Variants in OGG1 observed in about 807,000 individuals in gnomAD.
The protein encoded by OGG1 is N-glycosylase/DNA lyase.
OGG1 carries 35 observed loss-of-function variants against 42.3 expected under a neutral mutation model. The observed-to-expected ratio is 0.83, with a 90% CI of 0.63 to 1.10. The LOEUF (loss-of-function observed/expected upper bound fraction) is 1.10. Among genes scored for constraint, OGG1 ranks in the 50% least tolerant of loss-of-function variants. The probability of loss-of-function intolerance (pLI) is 0.00; values close to 1 mark genes in which losing one functional copy is unlikely to be tolerated. For synonymous variants in OGG1, 189 were observed against 179.0 expected (o/e 1.06, Z -0.44); for missense variants, 484 against 446.7 (o/e 1.08, Z -0.75).
intron 7 of OGG1, among the ~76,000 whole-genome samples, chr3:9,764,998 G>A (rs7630072): frequency 0.036 from 5,411 of 151,936 alleles, 214 homozygotes; most frequent in Admixed American, 0.13. Context: ...AGGCCGAGGC[G>A]GGTGGATCAC....
chr3:9,752,129 G>T (rs1337275318), intron 3 of OGG1, 180 bp downstream of exon 3: 1 of 632,126 alleles, frequency 1.6e-6, no homozygotes, highest in East Asian at 2.7e-5. Flanking sequence ...TAAAATGTCA[G>T]CACCTCACTG....
At chr3:9,753,260 T>TGC (rs2077385052) in intron 3 of OGG1, among the ~76,000 whole-genome samples, 1 of 148,132 alleles carries the variant, frequency 6.8e-6, no homozygotes, top group Non-Finnish European at 1.5e-5. Context: ...GGGAGAATCA[T>TGC]TTGAACCTGG....
chr3:9,767,553 G>T, downstream of OGG1: 1 of 1,368,578 alleles, frequency 7.3e-7, no homozygotes. Flanking sequence ...CCTAGATAGT[G>T]CTGCCACAGG....
chr3:9,785,735 G>A (rs376106031), intron 3 of OGG1, among the ~76,000 whole-genome samples: 6 of 152,214 alleles, frequency 3.9e-5, no homozygotes, highest in African/African-American at 1.2e-4. Context: ...CTGCTGTGGC[G>A]GAGATGCTAG....
At chr3:9,757,651 G>A (rs2304276), downstream of OGG1, 259 of 1,614,052 alleles carry the variant, frequency 1.6e-4, 3 homozygotes, top group East Asian at 5.3e-3. The surrounding 1 kb of genome is among the most constrained non-coding windows in gnomAD (Gnocchi z 4.5). Flanking sequence ...AGAGGTGGCC[G>A]CAGGGGCAGG....
intron 2 of OGG1, among the ~76,000 whole-genome samples, chr3:9,780,963 A>C (rs540225221): frequency 6.6e-6 from 1 of 152,132 alleles, no homozygotes; most frequent in South Asian, 2.1e-4. Flanking sequence ...ACATAGTGAG[A>C]CTGTCTCTAC....
downstream of OGG1, among the ~76,000 whole-genome samples, chr3:9,771,264 A>G (rs1036443748): frequency 4.0e-5 from 6 of 151,778 alleles, no homozygotes; most frequent in African/African-American, 1.5e-4. Context: ...GGCTCAAGCA[A>G]TCCTCCCCAA....
At chr3:9,787,033 C>T (rs148171213) in intron 3 of OGG1, 220 of 1,614,194 alleles carry the variant, frequency 1.4e-4, no homozygotes, top group Non-Finnish European at 1.5e-4. Context: ...GGAGGCGCTG[C>T]GTCAGGGCAC....
At chr3:9,761,949 T>C (rs1420929535), downstream of OGG1, 6 of 721,342 alleles carry the variant, frequency 8.3e-6, no homozygotes, top group East Asian at 1.7e-4. Context: ...CTCAAGAGGG[T>C]GTGGGGGGGA....
intron 2 of OGG1, among the ~76,000 whole-genome samples, chr3:9,779,091 A>G (rs1334404287): frequency 2.0e-5 from 3 of 151,838 alleles, no homozygotes; most frequent in Non-Finnish European, 2.9e-5. Flanking sequence ...CCCTTAGGCC[A>G]AGCTTCCTGC....
chr3:9,749,967 T>C lies in OGG1; in HGVS notation c.-320T>C, dbSNP rs946603388. ...CCCTACTTCCGGTGGTGCTGTGGTC[T>C]GCCCCTGGAGAACCCAGAAGAACAC... On this transcript the variant is annotated 5_prime_UTR_variant, in exon 1 of 7. Coordinates refer to ENST00000344629, the MANE Select transcript of OGG1 (RefSeq NM_002542.6). The C allele has an allele frequency of 4.6e-5, 17 of 368,294 alleles. No homozygotes were observed. Among genetic ancestry groups the C allele is most frequent in the African/African-American group, 1.0e-4 (5 of 49,298 alleles). 22.8% of individuals were successfully genotyped at this position (368,294 alleles called of 1,614,324 possible).
At chr3:9,789,852 C>G (rs1306035850), downstream of OGG1, 1 of 1,614,264 alleles carries the variant, frequency 6.2e-7, no homozygotes, top group Non-Finnish European at 8.5e-7. Context: ...GCCTTCCCTT[C>G]CAGTTTCTGC....
In OGG1 at chr3:9,788,184, A is replaced by G. The variant is rs143774267; in HGVS notation, c.*453A>G. ...GGATTCTCCCTCAACATTTTTCTGTATTTTCTAAATTTTCTTTAATGGAGC... is the reference window on the plus strand; with the variant it reads ...GGATTCTCCCTCAACATTTTTCTGTGTTTTCTAAATTTTCTTTAATGGAGC... On this transcript the variant is annotated 3_prime_UTR_variant, in exon 4 of 4. Coordinates refer to the OGG1 transcript ENST00000426518. 248 of 154,926 alleles carry G rather than the reference A, an allele frequency of 1.6e-3. 3 individuals carry two copies. Among genetic ancestry groups the G allele is most frequent in the Admixed American group, 0.01 (166 of 15,916 alleles). The allele number at this position is 154,926 out of a possible 1,614,324, so 9.6% of individuals were successfully genotyped here. A position where few individuals can be genotyped will look rare whatever the true frequency, so the allele number is the denominator to read the frequency against.
intron 7 of OGG1, among the ~76,000 whole-genome samples, chr3:9,763,460 A>G (rs930990478): frequency 2.0e-5 from 3 of 151,050 alleles, no homozygotes; most frequent in Non-Finnish European, 4.4e-5. Context: ...GCCACCCCCA[A>G]CCCCCGACCA....
At chr3:9,768,547 T>G (rs1173716069), downstream of OGG1, among the ~76,000 whole-genome samples, 1 of 152,144 alleles carries the variant, frequency 6.6e-6, no homozygotes, top group Non-Finnish European at 1.5e-5. Flanking sequence ...TGGAGTTAGG[T>G]AGAGGCTGGC....
Position 9,772,008 on chromosome 3 carries a change from G to A in OGG1, c.295-9505G>A, listed in dbSNP as rs1007744227. 4.0e-5 allele frequency among the ~76,000 whole-genome samples: 6 copies of A among 151,666 alleles called. 1 individual carries two copies. The highest frequency in any genetic ancestry group is 3.9e-4 in the Admixed American group (6 of 15,208). On this transcript the variant is annotated intron_variant, in intron 2 of 3. Coordinates refer to the OGG1 transcript ENST00000426518. The stretch of plus-strand genomic sequence containing the variant: ...ATTTTTGTATTTTTAGTAGAGATGG[G>A]GGTTTCACCATGTTGGTCAGGCTGG...
At chr3:9,770,213 A>C (rs919634566), downstream of OGG1, among the ~76,000 whole-genome samples, 1 of 152,090 alleles carries the variant, frequency 6.6e-6, no homozygotes, top group Non-Finnish European at 1.5e-5. Context: ...GGGTGGTCGG[A>C]AGCAAAGCAG....
At chr3:9,781,826 A>G (rs1400653819) in intron 3 of OGG1, among the ~76,000 whole-genome samples, 3 of 136,334 alleles carry the variant, frequency 2.2e-5, no homozygotes, top group African/African-American at 8.4e-5. Flanking sequence ...TTCATTGCCC[A>G]TTACTTCTTT....
intron 2 of OGG1, chr3:9,780,447 C>T: frequency 1.2e-6 from 2 of 1,612,450 alleles, no homozygotes; most frequent in Non-Finnish European, 1.7e-6. Flanking sequence ...TCCGCTTCTT[C>T]TGCCGGGCAG....
Sources: allele counts gnomAD v4.1 joint callset (sites outside exome capture counted in the v4.1 genomes callset), GRCh38; gene constraint gnomAD v4.1.1; non-coding constraint Gnocchi (gnomAD v3.1); transcripts MANE v1.5; gene names NCBI Gene and HGNC (gene_info 2026-07-23, HGNC 2026-07-21).